The following STRN variants were observed in gnomAD, a reference collection of about 807,000 sequenced individuals.
STRN encodes the protein protein phosphatase 2 regulatory subunit B'''alpha.
STRN carries 53 observed loss-of-function variants against 96.3 expected under a neutral mutation model. That is an observed-to-expected ratio of 0.55 (90% CI 0.44 to 0.69). The LOEUF (loss-of-function observed/expected upper bound fraction) is 0.69. STRN is among the 30% of genes least tolerant of loss of function. The pLI, the probability that STRN is intolerant of heterozygous loss-of-function variation, is 0.00. For synonymous variants in STRN, 428 were observed against 355.9 expected, an observed-to-expected ratio of 1.20 and a Z score of -2.28; for missense variants, 987 against 963.9, an observed-to-expected ratio of 1.02 and a Z score of -0.32.
chr2:36,932,550 C>CA (rs1220952113), intron 1 of STRN, among the ~76,000 whole-genome samples: 2 of 151,800 alleles, frequency 1.3e-5, no homozygotes, highest in Non-Finnish European at 2.9e-5. Context: ...TGTCACATTT[C>CA]AAAAAAAGAT....
At chr2:36,865,717 G>A (rs187495884) in intron 12 of STRN, among the ~76,000 whole-genome samples, 153 of 151,802 alleles carry the variant, frequency 1.0e-3, no homozygotes, top group African/African-American at 3.1e-3. Context: ...GCACGCCACC[G>A]CACTCAGCTA....
chr2:36,899,836 G>A (rs1488076100), intron 5 of STRN, among the ~76,000 whole-genome samples, 178 bp from the exon 6 acceptor site: 1 of 152,070 alleles, frequency 6.6e-6, no homozygotes, highest in Non-Finnish European at 1.5e-5. Flanking sequence ...TACAAGAAGT[G>A]GATACTCTTT....
At chr2:36,904,584 T>C (rs1414698343) in intron 4 of STRN, among the ~76,000 whole-genome samples, 1 of 152,162 alleles carries the variant, frequency 6.6e-6, no homozygotes, top group African/African-American at 2.4e-5. Context: ...CCCAGCACTT[T>C]GGGAGGCCGA....
chr2:36,919,345 T>C (rs993093918), intron 2 of STRN, among the ~76,000 whole-genome samples: 1 of 152,128 alleles, frequency 6.6e-6, no homozygotes, highest in Non-Finnish European at 1.5e-5. Flanking sequence ...CGGTCAAAAC[T>C]GGTGTCAAAG....
intron 1 of STRN, among the ~76,000 whole-genome samples, chr2:36,949,388 C>T (rs1664698486): frequency 6.6e-6 from 1 of 152,000 alleles, no homozygotes; most frequent in African/African-American, 2.4e-5. Context: ...AGATTTAAAA[C>T]CTATAACAGG....
chr2:36,887,414 G>A (rs1217646408), intron 7 of STRN, among the ~76,000 whole-genome samples: 2 of 151,930 alleles, frequency 1.3e-5, no homozygotes, highest in Non-Finnish European at 2.9e-5. Flanking sequence ...AGGTTGCAAT[G>A]AGCCGAGATT....
Position 36,899,507 on chromosome 2 carries a change from G to A in STRN, c.795+16C>T. 1 of 1,604,510 alleles carries A rather than the reference G, an allele frequency of 6.2e-7. No individual in the cohort carries two copies. Among genetic ancestry groups the A allele is most frequent in the Non-Finnish European group, 8.5e-7 (1 of 1,177,262 alleles). On this transcript the variant is annotated intron_variant, in intron 6 of 17. Coordinates refer to ENST00000263918, the MANE Select transcript of STRN (RefSeq NM_003162.4). ...GTCCCTAAAAATATTTATATTGTAT[G>A]AGTTATCTAACTCACTGTTGAAGTA...
chr2:36,942,597 A>C (rs1230936391), intron 1 of STRN, among the ~76,000 whole-genome samples: 1 of 152,222 alleles, frequency 6.6e-6, no homozygotes, highest in Non-Finnish European at 1.5e-5. Flanking sequence ...TAACTATTTC[A>C]TATCTCTTAA....
At chr2:36,873,835 C>T (rs1215918344) in intron 10 of STRN, among the ~76,000 whole-genome samples, 1 of 151,398 alleles carries the variant, frequency 6.6e-6, no homozygotes, top group Admixed American at 6.6e-5. Flanking sequence ...CTCAGCTACC[C>T]GAGAGGCTGA....
In STRN at chr2:36,838,220, G is replaced by C. The variant is rs1348153521; in HGVS notation, c.*11236C>G. On this transcript the variant is annotated 3_prime_UTR_variant, in exon 18 of 18. Transcript: ENST00000263918. ...CAAGGACCACGGAGCAACCTCTAAA[G>C]GATCAGATTTGACAGTCAGCTAGGA... Among the ~76,000 whole-genome samples the C allele has an allele frequency of 1.3e-5, 2 of 152,310 alleles. No homozygotes were observed. Among genetic ancestry groups the C allele is most frequent in the Middle Eastern group, 3.4e-3 (1 of 294 alleles).
intron 1 of STRN, among the ~76,000 whole-genome samples, chr2:36,962,895 G>C (rs1233563143): frequency 1.3e-5 from 2 of 152,166 alleles, no homozygotes; most frequent in Non-Finnish European, 2.9e-5. Flanking sequence ...CTAATAACTA[G>C]ACTGCATGTT....
At chr2:36,860,970 A>G (rs1353326182) in intron 13 of STRN, among the ~76,000 whole-genome samples, 162 bp downstream of exon 13, 1 of 152,254 alleles carries the variant, frequency 6.6e-6, no homozygotes, top group Admixed American at 6.5e-5. Context: ...TTGTATATCA[A>G]GTTAATTCCT....
intron 1 of STRN, among the ~76,000 whole-genome samples, chr2:36,950,315 A>T (rs1664724005): frequency 6.8e-6 from 1 of 146,388 alleles, no homozygotes; most frequent in African/African-American, 2.5e-5. Context: ...TCTCAAGTTC[A>T]AGTGATTCTC....
chr2:36,909,364 G>C (rs1432909464), intron 3 of STRN, among the ~76,000 whole-genome samples: 1 of 151,808 alleles, frequency 6.6e-6, no homozygotes, highest in Non-Finnish European at 1.5e-5. Flanking sequence ...TGAATTTCTC[G>C]GTAATATCGA....
Position 36,916,127 on chromosome 2 carries a change from G to A in STRN, c.363C>T (p.Tyr121=), listed in dbSNP as rs145943121. Residue 121 remains tyrosine (Y), a synonymous_variant, in exon 3 of 18, where the codon TAC becomes TAT. Coordinates refer to ENST00000263918, the MANE Select transcript of STRN (RefSeq NM_003162.4). ...QERAKYHKLK[Y]GTELNQGDMK... Reference sequence around the variant, plus strand: ...TATCTCCCTGATTCAATTCTGTCCCGTATTTCAACTTGTGGTATTTGGCTC... The same window carrying A: ...TATCTCCCTGATTCAATTCTGTCCCATATTTCAACTTGTGGTATTTGGCTC... The A allele has an allele frequency of 5.8e-5, 93 of 1,613,272 alleles. No individual in the cohort carries two copies. The highest frequency in any genetic ancestry group is 8.9e-5 in the East Asian group (4 of 44,836).
chr2:36,950,646 C>A (rs965431282), intron 1 of STRN, among the ~76,000 whole-genome samples: 1 of 152,268 alleles, frequency 6.6e-6, no homozygotes, highest in East Asian at 1.9e-4. Flanking sequence ...TCCATGGTAT[C>A]CCCAGTGCCT....
intron 1 of STRN, among the ~76,000 whole-genome samples, chr2:36,925,504 C>T (rs1416879156): frequency 2.6e-5 from 4 of 152,088 alleles, no homozygotes; most frequent in Non-Finnish European, 4.4e-5. Flanking sequence ...TTGCCGGATG[C>T]GGTGGCTCAC....
chr2:36,952,402 G>C (rs992387610), intron 1 of STRN, among the ~76,000 whole-genome samples: 5 of 149,778 alleles, frequency 3.3e-5, no homozygotes, highest in African/African-American at 1.2e-4. Context: ...GGCAAACAAG[G>C]GAGAAGAAAA....
intron 5 of STRN, among the ~76,000 whole-genome samples, chr2:36,902,098 A>G: frequency 6.6e-6 from 1 of 152,248 alleles, no homozygotes; most frequent in Non-Finnish European, 1.5e-5. Context: ...TATTTCAAAT[A>G]GCTACTGAAT....
Sources: gnomAD v4.1 joint callset for allele counts (sites outside exome capture counted in the v4.1 genomes callset) on GRCh38, gnomAD v4.1.1 for gene constraint, MANE v1.5 for transcripts, NCBI Gene and HGNC (gene_info 2026-07-23, HGNC 2026-07-21) for gene names.